CAPG: variants seen among roughly 807,000 people sequenced by gnomAD.
CAPG encodes the protein capping actin protein, gelsolin like.
CAPG carries 32 observed loss-of-function variants against 44.6 expected under a neutral mutation model. The observed-to-expected ratio is 0.72, with a 90% CI of 0.54 to 0.96. The LOEUF (loss-of-function observed/expected upper bound fraction) is 0.96. Ranked by LOEUF, CAPG falls within the 50% of genes least tolerant of loss-of-function variation. The pLI, the probability that CAPG is intolerant of heterozygous loss-of-function variation, is 0.00. For missense variants in CAPG, 412 were observed against 438.3 expected, an observed-to-expected ratio of 0.94 and a Z score of 0.54; for synonymous variants, 175 against 179.6, an observed-to-expected ratio of 0.97 and a Z score of 0.20.
intron 1 of CAPG, among the ~76,000 whole-genome samples, chr2:85,416,416 A>T (rs1368583876): frequency 6.6e-6 from 1 of 152,200 alleles, no homozygotes; most frequent in Non-Finnish European, 1.5e-5. Flanking sequence ...CGAGAGGCAC[A>T]GCTCAGGCTG....
chr2:85,398,426 G>T (rs1686712629), intron 7 of CAPG: 2 of 589,054 alleles, frequency 3.4e-6, no homozygotes, highest in Non-Finnish European at 6.0e-6. Flanking sequence ...CAGAATTCAA[G>T]AAAGAAAAGC....
At chr2:85,393,807 G>A (rs879735060), downstream of CAPG, among the ~76,000 whole-genome samples, 5 of 152,152 alleles carry the variant, frequency 3.3e-5, no homozygotes, top group African/African-American at 7.2e-5. Flanking sequence ...CAAATGATCC[G>A]CCCGTCTTGC....
chr2:85,406,934 C>CT (rs575138210), intron 1 of CAPG, among the ~76,000 whole-genome samples: 26,249 of 141,836 alleles, frequency 0.19, 2,500 homozygotes, highest in South Asian at 0.24. Context: ...TAGTAATTTT[C>CT]TTTTTTTTTT....
downstream of CAPG, among the ~76,000 whole-genome samples, chr2:85,392,448 C>T (rs1434759859): frequency 6.7e-6 from 1 of 149,346 alleles, no homozygotes; most frequent in Non-Finnish European, 1.5e-5. Context: ...GAGTGGGGGG[C>T]AGGTGAGAGC....
rs73945743 is a variant in CAPG, at chr2:85,395,767, G to A, written c.893-141C>T. 3 of 631,468 alleles carry A rather than the reference G, an allele frequency of 4.8e-6. No homozygotes were observed. Among genetic ancestry groups the A allele is most frequent in the African/African-American group, 1.8e-5 (1 of 54,780 alleles). 39.1% of individuals were successfully genotyped at this position (631,468 alleles called of 1,614,324 possible). On this transcript the variant is annotated intron_variant, in intron 8 of 9. Coordinates refer to ENST00000263867, the MANE Select transcript of CAPG (RefSeq NM_001747.4). This position sits in a 1 kb window ranked among gnomAD's most constrained non-coding sequence, Gnocchi z 4.3. ...ATGGACCAGGGGTCCCAAGAATGCCGAGGGGCTCTTTGGAGATGTGGAGTC... is the reference window on the plus strand; with the variant it reads ...ATGGACCAGGGGTCCCAAGAATGCCAAGGGGCTCTTTGGAGATGTGGAGTC...
downstream of CAPG, among the ~76,000 whole-genome samples, chr2:85,394,450 G>A (rs75382021): frequency 1.6e-3 from 239 of 152,356 alleles, 4 homozygotes; most frequent in East Asian, 0.043. Flanking sequence ...TAGGGCATCC[G>A]AAGAAATACT....
At chr2:85,397,514 G>C (rs940939630) in intron 8 of CAPG, among the ~76,000 whole-genome samples, 1 of 150,126 alleles carries the variant, frequency 6.7e-6, no homozygotes, top group Non-Finnish European at 1.5e-5. Context: ...TTCGAGACCA[G>C]CCTGGTAGTG....
At chr2:85,417,167 T>A (rs1341018622) in intron 1 of CAPG, among the ~76,000 whole-genome samples, 1 of 152,222 alleles carries the variant, frequency 6.6e-6, no homozygotes, top group Non-Finnish European at 1.5e-5. Context: ...TCACACTGGG[T>A]ACTCAACACC....
At position 85,401,154 on chromosome 2, in the gene CAPG, A is replaced by C; in HGVS notation, c.516+11T>G. The C allele has an allele frequency of 6.2e-7, 1 of 1,612,820 alleles. No individual in the cohort carries two copies. Among genetic ancestry groups the C allele is most frequent in the Non-Finnish European group, 8.5e-7 (1 of 1,179,034 alleles). On this transcript the variant is annotated intron_variant, in intron 5 of 9. Coordinates refer to ENST00000263867, the MANE Select transcript of CAPG (RefSeq NM_001747.4). Reference sequence around the variant, plus strand: ...CCAATACGGAGTGCTCAGTCTGGCCAGCCTACCCACCTGGCCCAGGTCCAG... The same window carrying C: ...CCAATACGGAGTGCTCAGTCTGGCCCGCCTACCCACCTGGCCCAGGTCCAG...
downstream of CAPG, among the ~76,000 whole-genome samples, chr2:85,393,811 G>A (rs530222098): frequency 2.0e-5 from 3 of 152,282 alleles, no homozygotes; most frequent in African/African-American, 2.4e-5. Context: ...TGATCCGCCC[G>A]TCTTGCCCTC....
chr2:85,405,459 G>A (rs923738753), intron 1 of CAPG, among the ~76,000 whole-genome samples: 1 of 152,142 alleles, frequency 6.6e-6, no homozygotes, highest in Non-Finnish European at 1.5e-5. Flanking sequence ...GGGAATTGGA[G>A]GGTAAAAATG....
chr2:85,399,914 T>C (rs1686801949), intron 5 of CAPG, among the ~76,000 whole-genome samples: 1 of 152,040 alleles, frequency 6.6e-6, no homozygotes, highest in South Asian at 2.1e-4. Flanking sequence ...GCTAATTTTA[T>C]ATTTTTAGTA....
chr2:85,408,556 C>CA (rs1687279141), intron 1 of CAPG, among the ~76,000 whole-genome samples: 1 of 152,176 alleles, frequency 6.6e-6, no homozygotes, highest in Admixed American at 6.5e-5. Context: ...GGAGCAAGGA[C>CA]ACACCTGATG....
upstream of CAPG, among the ~76,000 whole-genome samples, chr2:85,412,235 G>A (rs113321638): frequency 0.036 from 5,486 of 152,180 alleles, 209 homozygotes; most frequent in African/African-American, 0.094. Context: ...AATATGGGCC[G>A]GGCGCGGTGG....
upstream of CAPG, among the ~76,000 whole-genome samples, chr2:85,411,116 A>G (rs1046572010): frequency 6.6e-6 from 1 of 152,134 alleles, no homozygotes; most frequent in Non-Finnish European, 1.5e-5. Context: ...TTGGCCTCCC[A>G]AAGTGCTGGG....
rs760023958 is a variant in CAPG at position 85,398,114 on chromosome 2, C to T, written c.798G>A (p.Val266=). The T allele has an allele frequency of 6.2e-7, 1 of 1,614,070 alleles. No homozygotes were observed. Residue 266 remains valine (V), a synonymous_variant, in exon 8 of 10, where the codon GTG becomes GTA. Transcript: ENST00000263867. ...CAAGGGCAAATGGGCTGGAGTCAGC[C>T]ACCTTGGTCAGGTTCATCTGTCCAG... ...DATGQMNLTK[V]ADSSPFALEL... is the part of the protein sequence containing the mutation.
intron 8 of CAPG, among the ~76,000 whole-genome samples, chr2:85,396,447 C>T (rs904368645): frequency 2.6e-5 from 4 of 152,128 alleles, no homozygotes; most frequent in Admixed American, 1.3e-4. Context: ...GAAACGATGC[C>T]GTGATGTGGT....
At chr2:85,409,453 C>G (rs893371587) in intron 1 of CAPG, among the ~76,000 whole-genome samples, 1 of 152,124 alleles carries the variant, frequency 6.6e-6, no homozygotes, top group African/African-American at 2.4e-5. Context: ...ATCAGAGGGA[C>G]AAAAATCCTG....
At chr2:85,402,809 C>T (rs1395436274) in intron 1 of CAPG, among the ~76,000 whole-genome samples, 2 of 143,642 alleles carry the variant, frequency 1.4e-5, no homozygotes, top group South Asian at 4.4e-4. Context: ...CTCACTCTGT[C>T]ACTCAGGCTG....
Sources: allele counts gnomAD v4.1 joint callset (sites outside exome capture counted in the v4.1 genomes callset), GRCh38; gene constraint gnomAD v4.1.1; non-coding constraint Gnocchi (gnomAD v3.1); transcripts MANE v1.5; gene names NCBI Gene and HGNC (gene_info 2026-07-23, HGNC 2026-07-21).